The following KPNA3 variants were observed in gnomAD, a reference collection of about 807,000 sequenced individuals.
KPNA3 encodes importin subunit alpha-4.
KPNA3 carries 13 observed loss-of-function variants against 73.8 expected under a neutral mutation model. The ratio of observed to expected loss-of-function variants is 0.18; its 90% CI spans 0.11 to 0.28. KPNA3 has a LOEUF of 0.28. Ranked by LOEUF, KPNA3 falls within the 10% of genes least tolerant of loss-of-function variation. The probability of loss-of-function intolerance (pLI) is 1.00; values close to 1 mark genes in which losing one functional copy is unlikely to be tolerated. For missense variants in KPNA3, 360 were observed against 618.1 expected (o/e 0.58, Z 4.43); for synonymous variants, 186 against 206.9 (o/e 0.90, Z 0.87).
chr13:49,703,716 C>T (rs1954174230), intron 15 of KPNA3, among the ~76,000 whole-genome samples: 1 of 152,108 alleles, frequency 6.6e-6, no homozygotes, highest in African/African-American at 2.4e-5. Context: ...AGAATGCCTT[C>T]ATTTATATTT....
intron 1 of KPNA3, among the ~76,000 whole-genome samples, chr13:49,786,872 T>A (rs903866794): frequency 6.6e-6 from 1 of 152,120 alleles, no homozygotes; most frequent in Non-Finnish European, 1.5e-5. Flanking sequence ...ATCCACAAGA[T>A]ACACTGGGGA....
At chr13:49,753,581 G>A (rs574331476) in intron 1 of KPNA3, among the ~76,000 whole-genome samples, 6 of 152,338 alleles carry the variant, frequency 3.9e-5, no homozygotes, top group Non-Finnish European at 7.3e-5. Flanking sequence ...GTCCTTATAA[G>A]GTAGGCCCAA....
rs117661207 is a variant in KPNA3, at chr13:49,781,439, C to T, written c.69+10999G>A. Reference sequence around the variant, plus strand: ...GAAATGAAGAACTCATTTTCTTCCTCTGTATAATGTAAACTTTGTGAGGAT... The same window carrying T: ...GAAATGAAGAACTCATTTTCTTCCTTTGTATAATGTAAACTTTGTGAGGAT... On this transcript the variant is annotated intron_variant, in intron 1 of 16. Coordinates refer to ENST00000261667, the MANE Select transcript of KPNA3 (RefSeq NM_002267.4). Among the ~76,000 whole-genome samples the T allele has an allele frequency of 5.4e-4, 82 of 152,208 alleles. No homozygotes were observed. In the East Asian group the frequency reaches 0.013, roughly 23 times the overall value.
At chr13:49,765,730 T>C (rs1044795200) in intron 1 of KPNA3, among the ~76,000 whole-genome samples, 1 of 152,192 alleles carries the variant, frequency 6.6e-6, no homozygotes, top group African/African-American at 2.4e-5. Context: ...AAACCATTTA[T>C]CTACTTTTTG....
intron 12 of KPNA3, among the ~76,000 whole-genome samples, chr13:49,709,261 C>T (rs1431596283): frequency 1.3e-5 from 2 of 151,754 alleles, no homozygotes; most frequent in African/African-American, 2.4e-5. Context: ...ATTAGCTGGG[C>T]GTGGTGGCGG....
At chr13:49,753,612 G>C (rs1415126073) in intron 1 of KPNA3, among the ~76,000 whole-genome samples, 3 of 152,216 alleles carry the variant, frequency 2.0e-5, no homozygotes, top group Non-Finnish European at 4.4e-5. Flanking sequence ...GTGAACTGGT[G>C]CCAGTCCATA....
At chr13:49,787,550 A>ATG (rs1954993548) in intron 1 of KPNA3, among the ~76,000 whole-genome samples, 1 of 152,184 alleles carries the variant, frequency 6.6e-6, no homozygotes, top group Non-Finnish European at 1.5e-5. Context: ...TCTGTCGCCC[A>ATG]GACTTGAGTG....
At chr13:49,728,780 GC>G (rs1488237629) in intron 6 of KPNA3, among the ~76,000 whole-genome samples, 5 of 152,144 alleles carry the variant, frequency 3.3e-5, no homozygotes, top group Non-Finnish European at 7.4e-5. Flanking sequence ...GCAGAAAAAA[GC>G]CTGAGAGAGC....
At chr13:49,758,898 A>G (rs1954735156) in intron 1 of KPNA3, among the ~76,000 whole-genome samples, 1 of 152,160 alleles carries the variant, frequency 6.6e-6, no homozygotes, top group African/African-American at 2.4e-5. Flanking sequence ...CATAGACAAT[A>G]CTCTCAAAAA....
chr13:49,759,066 G>A (rs1236093570), intron 1 of KPNA3, among the ~76,000 whole-genome samples: 1 of 152,004 alleles, frequency 6.6e-6, no homozygotes, highest in Non-Finnish European at 1.5e-5. Flanking sequence ...GGCTCCAAAT[G>A]TTCAAAGACA....
chr13:49,734,527 T>C (rs1954501663), intron 2 of KPNA3, among the ~76,000 whole-genome samples: 1 of 152,188 alleles, frequency 6.6e-6, no homozygotes. Flanking sequence ...CACTCTTAGA[T>C]AAAATAATTG....
intron 2 of KPNA3, among the ~76,000 whole-genome samples, chr13:49,737,349 G>A (rs1029092855): frequency 1.3e-5 from 2 of 152,008 alleles, no homozygotes; most frequent in Non-Finnish European, 2.9e-5. Flanking sequence ...CCACATCTTC[G>A]CCAGCATTTG....
intron 1 of KPNA3, among the ~76,000 whole-genome samples, chr13:49,784,167 T>TA (rs1409602504): frequency 6.6e-6 from 1 of 152,168 alleles, no homozygotes; most frequent in Non-Finnish European, 1.5e-5. Flanking sequence ...GAGGATCGCT[T>TA]GAGCCATGAT....
chr13:49,783,916 T>C (rs1483589853), intron 1 of KPNA3, among the ~76,000 whole-genome samples: 1 of 152,190 alleles, frequency 6.6e-6, no homozygotes, highest in Non-Finnish European at 1.5e-5. Context: ...TTTAAATAAA[T>C]TAATAGAAGC....
chr13:49,742,269 CT>C (rs1345057818), intron 2 of KPNA3, among the ~76,000 whole-genome samples: 1 of 152,126 alleles, frequency 6.6e-6, no homozygotes, highest in African/African-American at 2.4e-5. Flanking sequence ...AAATATTCAC[CT>C]TAGTTGCCTT....
chr13:49,763,101 C>T (rs972848309), intron 1 of KPNA3, among the ~76,000 whole-genome samples: 7 of 151,648 alleles, frequency 4.6e-5, no homozygotes, highest in African/African-American at 1.7e-4. Flanking sequence ...TTAGGTTATA[C>T]AACATAAAAT....
chr13:49,725,259 A>C (rs1458832628), intron 7 of KPNA3, among the ~76,000 whole-genome samples, 157 bp downstream of exon 7: 1 of 152,278 alleles, frequency 6.6e-6, no homozygotes, highest in Admixed American at 6.5e-5. Flanking sequence ...TTCATGATAA[A>C]TTAATGACGG....
rs1461954384 is a variant in KPNA3, at chr13:49,700,190, T to G, written c.*1610A>C. 1 of 152,628 alleles carries G rather than the reference T, an allele frequency of 6.6e-6. No individual in the cohort carries two copies. Among genetic ancestry groups the G allele is most frequent in the Non-Finnish European group, 1.5e-5 (1 of 68,024 alleles). 9.5% of individuals were successfully genotyped at this position (152,628 alleles called of 1,614,324 possible). A position where few individuals can be genotyped will look rare whatever the true frequency, so the allele number is the denominator to read the frequency against. On this transcript the variant is annotated 3_prime_UTR_variant, in exon 17 of 17. Coordinates refer to ENST00000261667, the MANE Select transcript of KPNA3 (RefSeq NM_002267.4). ...GGCTCCACCTTGGCAGATACATATATTTGTAATGAATGCACACCTGCTATG... is the reference window on the plus strand; with the variant it reads ...GGCTCCACCTTGGCAGATACATATAGTTGTAATGAATGCACACCTGCTATG...
At chr13:49,784,017 T>C (rs765660186) in intron 1 of KPNA3, among the ~76,000 whole-genome samples, 3 of 151,820 alleles carry the variant, frequency 2.0e-5, no homozygotes, top group Non-Finnish European at 2.9e-5. Flanking sequence ...TTTTGGGAGA[T>C]TGAGGAGGGA....
Sources: gnomAD v4.1 joint callset for allele counts (sites outside exome capture counted in the v4.1 genomes callset) on GRCh38, gnomAD v4.1.1 for gene constraint, MANE v1.5 for transcripts, NCBI Gene and HGNC (gene_info 2026-07-23, HGNC 2026-07-21) for gene names.